Variants in PRPF38B observed in about 807,000 individuals in gnomAD.
The protein encoded by PRPF38B is pre-mRNA-splicing factor 38B.
A neutral mutation model predicts 67.2 loss-of-function variants in PRPF38B; 18 were observed. The observed-to-expected ratio is 0.27, with a 90% CI of 0.19 to 0.40. PRPF38B has a LOEUF of 0.40. Among genes scored for constraint, PRPF38B ranks in the 10% least tolerant of loss-of-function variants. PRPF38B has a pLI of 1.00. For synonymous variants in PRPF38B, 246 were observed against 234.2 expected (o/e 1.05, Z -0.46); for missense variants, 544 against 684.9 (o/e 0.79, Z 2.30).
rs369349156 is a variant in PRPF38B, at chr1:108,702,652, G to A, written c.*2632G>A. 1.3e-5 allele frequency among the ~76,000 whole-genome samples: 2 copies of A among 152,242 alleles called. No individual in the cohort carries two copies. Among genetic ancestry groups the A allele is most frequent in the African/African-American group, 4.8e-5 (2 of 41,532 alleles). On this transcript the variant is annotated 3_prime_UTR_variant, in exon 6 of 6. Transcript: ENST00000370025. ...GGGCCTGTTGTGGGGTGGGGGACTA[G>A]GGGAGGGATAATATTAGGAGAAATA...
intron 4 of PRPF38B, chr1:108,697,031 G>A (rs745956649): frequency 2.3e-6 from 1 of 439,256 alleles, no homozygotes. Flanking sequence ...CCAACACTTC[G>A]AGAGTTCAAG....
At position 108,692,525 on chromosome 1, in the gene PRPF38B, C is replaced by G. The variant is rs1020911510; in HGVS notation, c.-67C>G. On this transcript the variant is annotated 5_prime_UTR_variant, in exon 1 of 6. Coordinates refer to ENST00000370025, the MANE Select transcript of PRPF38B (RefSeq NM_018061.4). ...GGAGTAGGGTCCCAGACCGTTGTCC[C>G]GAAGAGCGAGATCGAGCTTGGCCCC... 4 of 1,470,124 alleles carry G rather than the reference C, an allele frequency of 2.7e-6. No homozygotes were observed. The South Asian group carries it at 4.1e-5, about 15-fold the overall frequency. 91.1% of individuals were successfully genotyped at this position (1,470,124 alleles called of 1,614,324 possible). A position where few individuals can be genotyped will look rare whatever the true frequency, so the allele number is the denominator to read the frequency against.
chr1:108,697,693 C>T (rs760656784), intron 4 of PRPF38B: 6 of 151,898 alleles, frequency 4.0e-5, no homozygotes, highest in Non-Finnish European at 8.8e-5. Context: ...AAGCATGTTC[C>T]TCTTCATAAT....
chr1:108,695,254 A>T (rs190193577), intron 1 of PRPF38B, among the ~76,000 whole-genome samples: 1,898 of 152,342 alleles, frequency 0.012, 39 homozygotes, highest in African/African-American at 0.043. Flanking sequence ...TGAAGTTTTT[A>T]AATTAATGCT....
At chr1:108,694,300 C>CT in intron 1 of PRPF38B, among the ~76,000 whole-genome samples, 1 of 152,240 alleles carries the variant, frequency 6.6e-6, no homozygotes, top group East Asian at 1.9e-4. Flanking sequence ...GGTTCCTGCT[C>CT]TTTCTGCGGC....
chr1:108,697,616 C>CT (rs1660034841), intron 4 of PRPF38B: 1 of 150,462 alleles, frequency 6.6e-6, no homozygotes. Context: ...AAATCACAAT[C>CT]TTTAAGGTCT....
rs1660547570 is a variant in PRPF38B at position 108,702,020 on chromosome 1, T to C, written c.*2000T>C. Among the ~76,000 whole-genome samples, 1 of 152,256 alleles carries C rather than the reference T, an allele frequency of 6.6e-6. No individual in the cohort carries two copies. The highest frequency in any genetic ancestry group is 1.5e-5 in the Non-Finnish European group (1 of 68,046). ...TGTGAAATGTTTTATCTGACTATTT[T>C]AAGTAAAATGTGGAAAGAATTTAAA... On this transcript the variant is annotated 3_prime_UTR_variant, in exon 6 of 6. Coordinates refer to ENST00000370025, the MANE Select transcript of PRPF38B (RefSeq NM_018061.4).
chr1:108,693,404 A>C (rs1399489784), intron 1 of PRPF38B, among the ~76,000 whole-genome samples: 3 of 152,042 alleles, frequency 2.0e-5, no homozygotes, highest in East Asian at 3.9e-4. Context: ...GGTGTACAGA[A>C]GGCCTGGAAA....
At position 108,700,178 on chromosome 1, in the gene PRPF38B, C is replaced by G. The variant is rs1319856790; in HGVS notation, c.*158C>G. The G allele has an allele frequency of 9.8e-6, 12 of 1,223,314 alleles. No homozygotes were observed. Among genetic ancestry groups the G allele is most frequent in the Non-Finnish European group, 4.3e-6 (4 of 925,924 alleles). The allele number at this position is 1,223,314 out of a possible 1,614,324, so 75.8% of individuals were successfully genotyped here. On this transcript the variant is annotated 3_prime_UTR_variant, in exon 6 of 6. Transcript: ENST00000370025. ...CGTGTAGGGAAGTGCCTTTGTAATTCCATTTATTGCATTGGTGTTTTCACC... is the reference window on the plus strand; with the variant it reads ...CGTGTAGGGAAGTGCCTTTGTAATTGCATTTATTGCATTGGTGTTTTCACC...
chr1:108,699,624 C>T lies in PRPF38B; in HGVS notation c.1245C>T (p.Asp415=), dbSNP rs1199634269. ...AAGATGATAGGCGGCACAGAGATGACAAAAGAGATTCCAAGAAAGAGAAAA... is the reference window on the plus strand; with the variant it reads ...AAGATGATAGGCGGCACAGAGATGATAAAAGAGATTCCAAGAAAGAGAAAA... ...EDKDDRRHRD[D]KRDSKKEKKH... The change falls in exon 6 of 6, where the codon GAC becomes GAT. Residue 415 remains aspartate (D), a synonymous_variant. Coordinates refer to ENST00000370025, the MANE Select transcript of PRPF38B (RefSeq NM_018061.4). 1 of 1,554,700 alleles carries T rather than the reference C, an allele frequency of 6.4e-7. No individual in the cohort carries two copies. The highest frequency in any genetic ancestry group is 8.7e-7 in the Non-Finnish European group (1 of 1,149,116).
chr1:108,693,481 T>A (rs1659542947), intron 1 of PRPF38B: 1 of 381,114 alleles, frequency 2.6e-6, no homozygotes, highest in Non-Finnish European at 3.6e-6. Context: ...TTTAGAATTA[T>A]CTGGGCCCTG....
chr1:108,695,318 A>G, intron 1 of PRPF38B, among the ~76,000 whole-genome samples: 1 of 149,902 alleles, frequency 6.7e-6, no homozygotes, highest in East Asian at 1.9e-4. Context: ...TTTTAAAGGA[A>G]AATGTTAAGC....
Position 108,692,725 on chromosome 1 carries a change from A to G in PRPF38B, c.134A>G (p.Asn45Ser), listed in dbSNP as rs1659442918. ...TKPAVSGKQG[N>S]VLPLWGNEKT... is the part of the protein sequence containing the mutation. ...CCGGCGGTCTCCGGCAAGCAGGGCA[A>G]TGTGCTCCCGCTCTGGGGCAACGAG... The change falls in exon 1 of 6, where the codon AAT becomes AGT. Residue 45 changes from asparagine (N) to serine (S), a missense_variant. This residue lies in a region of PRPF38B where 26 missense variants were observed against 67.7 expected (regional missense o/e 0.38). Transcript: ENST00000370025. 3.1e-6 allele frequency: 5 copies of G among 1,613,840 alleles called. No individual in the cohort carries two copies. Among genetic ancestry groups the G allele is most frequent in the African/African-American group, 1.3e-5 (1 of 75,056 alleles).
In PRPF38B at chr1:108,702,284, C is replaced by T. The variant is rs1026496857; in HGVS notation, c.*2264C>T. Among the ~76,000 whole-genome samples the T allele has an allele frequency of 6.6e-6, 1 of 152,100 alleles. No individual in the cohort carries two copies. Among genetic ancestry groups the T allele is most frequent in the Admixed American group, 6.5e-5 (1 of 15,276 alleles). Reference sequence around the variant, plus strand: ...GGGACCACAGGTGCATGCTAGCACACCCGGCTAATTTGTATTTTTGGTAGG... The same window carrying T: ...GGGACCACAGGTGCATGCTAGCACATCCGGCTAATTTGTATTTTTGGTAGG... On this transcript the variant is annotated 3_prime_UTR_variant, in exon 6 of 6. Coordinates refer to ENST00000370025, the MANE Select transcript of PRPF38B (RefSeq NM_018061.4).
rs1419404241 is a variant in PRPF38B, at chr1:108,702,575, A to G, written c.*2555A>G. 6.6e-6 allele frequency among the ~76,000 whole-genome samples: 1 copy of G among 152,124 alleles called. No homozygotes were observed. On this transcript the variant is annotated 3_prime_UTR_variant, in exon 6 of 6. Coordinates refer to ENST00000370025, the MANE Select transcript of PRPF38B (RefSeq NM_018061.4). ...GGGAAAACAAGTGGCTATGAAAGAC[A>G]TCTCACATTTCTTGAAACATGAGAA... is the stretch of plus-strand genomic sequence containing the variant.
chr1:108,693,750 C>T (rs1331986522), intron 1 of PRPF38B: 1 of 513,856 alleles, frequency 1.9e-6, no homozygotes, highest in African/African-American at 2.1e-5. Flanking sequence ...TGGTCCTTCA[C>T]CAATTAGGTA....
At chr1:108,699,011 A>G in intron 5 of PRPF38B, 151 bp from the exon 6 acceptor site, 1 of 1,446,146 alleles carries the variant, frequency 6.9e-7, no homozygotes, top group Non-Finnish European at 9.2e-7. Context: ...GCATCTGTAA[A>G]TGAGAACAAT....
chr1:108,695,728 A>G lies in PRPF38B; in HGVS notation c.303A>G (p.Lys101=), dbSNP rs755700721. ...FKVTHVEPWE[K]GSRKTAGQTG... is the part of the protein sequence containing the mutation. ...TCACGCACGTTGAACCATGGGAGAA[A>G]GGAAGCAGGAAAACAGCGGGCCAGA... is the stretch of plus-strand genomic sequence containing the variant. Residue 101 remains lysine, a synonymous_variant, in exon 2 of 6, where the codon AAA becomes AAG. Transcript: ENST00000370025. 6.2e-7 allele frequency: 1 copy of G among 1,614,030 alleles called. No homozygotes were observed. Among genetic ancestry groups the G allele is most frequent in the South Asian group, 1.1e-5 (1 of 91,080 alleles).
rs750537748 is a variant in PRPF38B at position 108,699,267 on chromosome 1, A to G, written c.888A>G (p.Glu296=). Residue 296 remains glutamate (E), a synonymous_variant, in exon 6 of 6, where the codon GAA becomes GAG. Coordinates refer to ENST00000370025, the MANE Select transcript of PRPF38B (RefSeq NM_018061.4). ...HGSSSFDREL[E]REKERQRLER... is the part of the protein sequence containing the mutation. ...CTTCTAGTTTTGACAGAGAATTAGA[A>G]AGAGAGAAAGAACGCCAGCGACTAG... The G allele has an allele frequency of 1.2e-6, 2 of 1,614,190 alleles. No homozygotes were observed. Among genetic ancestry groups the G allele is most frequent in the Non-Finnish European group, 8.5e-7 (1 of 1,180,040 alleles).
Sources: gnomAD v4.1 joint callset for allele counts (sites outside exome capture counted in the v4.1 genomes callset) on GRCh38, gnomAD v4.1.1 for gene constraint, gnomAD v4.1.1 regional missense constraint, MANE v1.5 for transcripts, NCBI Gene and HGNC (gene_info 2026-07-23, HGNC 2026-07-21) for gene names.